Variants in G3BP2 observed in about 807,000 individuals in gnomAD.
The protein encoded by G3BP2 is ras GTPase-activating protein-binding protein 2.
In G3BP2, 11 loss-of-function variants were observed where a neutral mutation model predicts 56.7. The ratio of observed to expected loss-of-function variants is 0.19; its 90% CI spans 0.12 to 0.32. G3BP2 has a LOEUF of 0.32. G3BP2 is among the 10% of genes least tolerant of loss of function. The pLI, the probability that G3BP2 is intolerant of heterozygous loss-of-function variation, is 1.00. For synonymous variants in G3BP2, 165 were observed against 191.6 expected (o/e 0.86, Z 1.15); for missense variants, 340 against 610.9 (o/e 0.56, Z 4.67).
chr4:75,658,562 T>C (rs1233568135), intron 3 of G3BP2, among the ~76,000 whole-genome samples: 1 of 151,838 alleles, frequency 6.6e-6, no homozygotes, highest in Non-Finnish European at 1.5e-5. Flanking sequence ...ACCCCGTCTC[T>C]ACTAAAAATA....
intron 3 of G3BP2, among the ~76,000 whole-genome samples, chr4:75,698,182 C>T (rs1401937502): frequency 6.6e-6 from 1 of 152,042 alleles, no homozygotes; most frequent in Non-Finnish European, 1.5e-5. Context: ...TCTAGGGGAG[C>T]CCACTGTAAT....
intron 2 of G3BP2, among the ~76,000 whole-genome samples, chr4:75,659,228 C>T (rs998717686): frequency 3.3e-5 from 5 of 152,092 alleles, no homozygotes; most frequent in African/African-American, 7.2e-5. Context: ...GTGGAAAAAT[C>T]GGATATTTTT....
chr4:75,697,317 G>C (rs1219104131), intron 3 of G3BP2, among the ~76,000 whole-genome samples: 1 of 130,290 alleles, frequency 7.7e-6, no homozygotes, highest in African/African-American at 2.8e-5. Context: ...TGAAATTGAG[G>C]TGTTTTGTTG....
intron 1 of G3BP2, 171 bp downstream of exon 1, chr4:75,673,034 GTCT>G: frequency 1.0e-6 from 1 of 992,424 alleles, no homozygotes. Context: ...GGAAAGACTG[GTCT>G]TCTCTCACGC....
intron 8 of G3BP2, among the ~76,000 whole-genome samples, chr4:75,649,426 C>A (rs974243047): frequency 6.6e-6 from 1 of 152,146 alleles, no homozygotes; most frequent in Non-Finnish European, 1.5e-5. Context: ...TTGGTCCCAA[C>A]GATTTTCCTT....
chr4:75,676,394 G>C (rs1578419867), upstream of G3BP2, among the ~76,000 whole-genome samples: 1 of 139,380 alleles, frequency 7.2e-6, no homozygotes, highest in African/African-American at 2.7e-5. Context: ...CCAGGCTGGA[G>C]TGCAATGGCA....
chr4:75,718,849 G>C (rs555891162), intron 3 of G3BP2, among the ~76,000 whole-genome samples: 1 of 152,158 alleles, frequency 6.6e-6, no homozygotes, highest in Non-Finnish European at 1.5e-5. Context: ...ATAGGTCCTG[G>C]CAGCCATCTT....
chr4:75,702,995 G>A (rs184436981), intron 3 of G3BP2, among the ~76,000 whole-genome samples: 1 of 152,304 alleles, frequency 6.6e-6, no homozygotes, highest in East Asian at 1.9e-4. Flanking sequence ...GAGGAGTCGA[G>A]GCTCCTAAAC....
upstream of G3BP2, among the ~76,000 whole-genome samples, chr4:75,674,445 G>A (rs1733750201): frequency 6.6e-6 from 1 of 152,000 alleles, no homozygotes. Context: ...CAGAGGCAAT[G>A]CCAACATTAG....
chr4:75,656,053 T>C (rs1179947167), intron 5 of G3BP2, among the ~76,000 whole-genome samples, 183 bp from the exon 6 acceptor site: 5 of 151,346 alleles, frequency 3.3e-5, no homozygotes, highest in African/African-American at 1.2e-4. Context: ...TGCAGTGGTG[T>C]GATCTTGGCT....
chr4:75,707,501 C>T (rs1719595931), intron 3 of G3BP2, among the ~76,000 whole-genome samples: 1 of 148,946 alleles, frequency 6.7e-6, no homozygotes, highest in African/African-American at 2.5e-5. Context: ...CCCAGCTACT[C>T]GGAGAGGCTG....
chr4:75,671,949 T>A (rs1312902638), intron 1 of G3BP2, among the ~76,000 whole-genome samples: 3 of 152,144 alleles, frequency 2.0e-5, no homozygotes, highest in African/African-American at 7.2e-5. Flanking sequence ...AGAGAAAAAT[T>A]GCCATCATCT....
intron 1 of G3BP2, among the ~76,000 whole-genome samples, chr4:75,672,036 G>T (rs972996555): frequency 2.0e-5 from 3 of 152,214 alleles, no homozygotes; most frequent in Admixed American, 6.5e-5. Context: ...ACTAACGTTT[G>T]AAAGACCAGA....
At chr4:75,671,769 C>T (rs1733506535) in intron 1 of G3BP2, among the ~76,000 whole-genome samples, 1 of 152,074 alleles carries the variant, frequency 6.6e-6, no homozygotes, top group Admixed American at 6.6e-5. Flanking sequence ...AATGTTACTG[C>T]CAAAGAAAGG....
chr4:75,690,499 T>G (rs527609670), intron 3 of G3BP2, among the ~76,000 whole-genome samples: 12 of 151,884 alleles, frequency 7.9e-5, no homozygotes, highest in African/African-American at 2.9e-4. Flanking sequence ...TACAGTAGAT[T>G]AGTTGTTGCT....
At chr4:75,650,394 C>A (rs930256582) in intron 8 of G3BP2, among the ~76,000 whole-genome samples, 27 of 144,088 alleles carry the variant, frequency 1.9e-4, no homozygotes, top group Admixed American at 7.1e-4. Flanking sequence ...TCATTGTACT[C>A]CAGCCTGGGC....
chr4:75,653,447 CAGAATACT>C (rs1287343523), intron 8 of G3BP2, among the ~76,000 whole-genome samples: 5 of 151,784 alleles, frequency 3.3e-5, no homozygotes, highest in African/African-American at 1.2e-4. Context: ...AGACAAAAAG[CAGAATACT>C]AGAATGATCA....
chr4:75,701,465 T>C (rs966072868), intron 3 of G3BP2, among the ~76,000 whole-genome samples: 19 of 151,656 alleles, frequency 1.3e-4, no homozygotes, highest in African/African-American at 4.6e-4. Context: ...TTCGCTCTTG[T>C]TGCCCAGACT....
intron 8 of G3BP2, among the ~76,000 whole-genome samples, chr4:75,652,904 G>A (rs1343827765): frequency 6.6e-6 from 1 of 152,142 alleles, no homozygotes; most frequent in Non-Finnish European, 1.5e-5. Context: ...TCTCTGAAAT[G>A]AAATAATCCA....
Sources: allele counts gnomAD v4.1 joint callset (sites outside exome capture counted in the v4.1 genomes callset), GRCh38; gene constraint gnomAD v4.1.1; transcripts MANE v1.5; gene names NCBI Gene and HGNC (gene_info 2026-07-23, HGNC 2026-07-21).